ENTPD5: variants seen among roughly 807,000 people sequenced by gnomAD.
ENTPD5 encodes the protein nucleoside diphosphate phosphatase ENTPD5.
In ENTPD5, 49 loss-of-function variants were observed where a neutral mutation model predicts 60.2. The ratio of observed to expected loss-of-function variants is 0.81; its 90% confidence interval spans 0.65 to 1.03. The LOEUF is 1.03. ENTPD5 is among the 50% of genes least tolerant of loss of function. The pLI is 0.00. For missense variants in ENTPD5, 480 were observed against 507.6 expected (o/e 0.95, Z 0.52); for synonymous variants, 187 against 185.4 (o/e 1.01, Z -0.07).
intron 1 of ENTPD5, among the ~76,000 whole-genome samples, chr14:74,017,437 G>C (rs1327598111): frequency 6.6e-6 from 1 of 151,900 alleles, no homozygotes; most frequent in Non-Finnish European, 1.5e-5. Context: ...AAATTAGCCA[G>C]GGATGGTGGT....
intron 3 of ENTPD5, among the ~76,000 whole-genome samples, chr14:74,009,535 T>C (rs373985049): frequency 2.0e-5 from 3 of 152,218 alleles, no homozygotes; most frequent in African/African-American, 7.2e-5. Flanking sequence ...GGGTTCCCCA[T>C]AATTACATTT....
chr14:73,972,024 T>A (rs1353036817), intron 13 of ENTPD5, 116 bp from the exon 14 acceptor site: 2 of 720,058 alleles, frequency 2.8e-6, no homozygotes, highest in Admixed American at 4.3e-5. Flanking sequence ...CAACCTAATT[T>A]ACTTATTTAC....
At position 73,965,739 on chromosome 14, in the gene ENTPD5, A is replaced by T. The variant is rs1164393898; in HGVS notation, c.*1189T>A. The T allele has an allele frequency of 6.6e-6, 1 of 152,180 alleles. No homozygotes were observed. The highest frequency in any genetic ancestry group is 1.9e-4 in the East Asian group (1 of 5,202). The allele number at this position is 152,180 out of a possible 1,614,324, so 9.4% of individuals were successfully genotyped here. A position where few individuals can be genotyped will look rare whatever the true frequency, so the allele number is the denominator to read the frequency against. ...CCATCTCAAAAAAAAGTGCAAGATA[A>T]TGAATTTGGGGTAAATAATTCACAG... On this transcript the variant is annotated 3_prime_UTR_variant, in exon 16 of 16. Transcript: ENST00000334696.
At chr14:73,979,741 G>A (rs2057598145) in intron 6 of ENTPD5, among the ~76,000 whole-genome samples, 1 of 152,116 alleles carries the variant, frequency 6.6e-6, no homozygotes, top group Non-Finnish European at 1.5e-5. Context: ...AAAGTGCTGG[G>A]ATTACAGGCG....
intron 3 of ENTPD5, among the ~76,000 whole-genome samples, chr14:74,003,716 C>T (rs1460507067): frequency 1.3e-5 from 2 of 151,904 alleles, no homozygotes; most frequent in African/African-American, 4.8e-5. Flanking sequence ...TCTGTGTTTA[C>T]TTGTGGCCGA....
At position 73,977,090 on chromosome 14, in the gene ENTPD5, C is replaced by T. The variant is rs752831201; in HGVS notation, c.518-31G>A. 2.5e-5 allele frequency: 40 copies of T among 1,599,554 alleles called. No individual in the cohort carries two copies. The South Asian group carries it at 4.5e-4, about 18-fold the overall frequency. ...AAGAAAGAAAGACAAGGATTAGATC[C>T]CAGAGCATTTTTTCTCTTTCCTGGC... On this transcript the variant is annotated intron_variant, in intron 7 of 15. Transcript: ENST00000334696.
downstream of ENTPD5, chr14:73,962,765 T>C: frequency 1.7e-6 from 1 of 592,996 alleles, no homozygotes; most frequent in South Asian, 2.1e-5. Flanking sequence ...TGCAGTGAGC[T>C]ATGATCACAC....
At chr14:73,960,918 G>A (rs758255624), downstream of ENTPD5, 6 of 578,606 alleles carry the variant, frequency 1.0e-5, no homozygotes, top group Non-Finnish European at 1.6e-5. Context: ...GTTATTGAGG[G>A]TGGGGACTAG....
At chr14:74,002,319 T>C (rs1049996988) in intron 3 of ENTPD5, among the ~76,000 whole-genome samples, 2 of 151,824 alleles carry the variant, frequency 1.3e-5, no homozygotes, top group African/African-American at 4.8e-5. Flanking sequence ...GATATGGGAG[T>C]GGGGAGGCGA....
At chr14:73,958,750 G>A, downstream of ENTPD5, 2 of 1,446,282 alleles carry the variant, frequency 1.4e-6, no homozygotes, top group Non-Finnish European at 1.8e-6. Context: ...TTAACTCATG[G>A]CTGGCACCTG....
At chr14:73,990,464 A>C (rs545478530) in intron 3 of ENTPD5, among the ~76,000 whole-genome samples, 4 of 151,734 alleles carry the variant, frequency 2.6e-5, no homozygotes, top group African/African-American at 9.7e-5. Context: ...CCTCCCGAGT[A>C]GTTGGGATTA....
chr14:74,013,487 T>C (rs2058910277), intron 2 of ENTPD5, among the ~76,000 whole-genome samples: 1 of 151,512 alleles, frequency 6.6e-6, no homozygotes, highest in Admixed American at 6.6e-5. Flanking sequence ...TTATGAGATC[T>C]TTTTTTGTGA....
At chr14:74,005,509 C>G (rs117276586) in intron 3 of ENTPD5, among the ~76,000 whole-genome samples, 1 of 151,902 alleles carries the variant, frequency 6.6e-6, no homozygotes. Context: ...GCTATTAACT[C>G]TTAAAAATGA....
At chr14:74,017,678 G>C (rs1340780640) in intron 1 of ENTPD5, among the ~76,000 whole-genome samples, 1 of 151,790 alleles carries the variant, frequency 6.6e-6, no homozygotes, top group Non-Finnish European at 1.5e-5. Context: ...CTGAGGCCAG[G>C]AGTTCAAGAC....
chr14:73,973,718 T>C (rs748103709), intron 12 of ENTPD5, among the ~76,000 whole-genome samples, 159 bp downstream of exon 12: 2 of 152,246 alleles, frequency 1.3e-5, no homozygotes, highest in Non-Finnish European at 2.9e-5. Context: ...CTTTGTTCAC[T>C]GTCACTTCAC....
At chr14:74,012,907 G>C (rs1235069064) in intron 2 of ENTPD5, among the ~76,000 whole-genome samples, 1 of 152,128 alleles carries the variant, frequency 6.6e-6, no homozygotes, top group Non-Finnish European at 1.5e-5. Context: ...TCACAAGCTG[G>C]GGCCTCTAGT....
chr14:74,005,364 C>CAAAAAAA lies in ENTPD5; in HGVS notation c.-71+5720_-71+5726dup, dbSNP rs35560902. ...TGGGTGAGAGAGCAAGACTCGGTCTCAAAAAAAAAGAAAAGAAATATAGGC... is the reference window on the plus strand; with the variant it reads ...TGGGTGAGAGAGCAAGACTCGGTCTCAAAAAAAAAAAAAAAAGAAAAGAAATATAGGC... On this transcript the variant is annotated intron_variant, in intron 3 of 15. Transcript: ENST00000334696. 8.5e-5 allele frequency among the ~76,000 whole-genome samples: 10 copies of CAAAAAAA among 117,098 alleles called. 1 individual carries two copies. The highest frequency in any genetic ancestry group is 3.4e-4 in the East Asian group (1 of 2,962). 76.8% of individuals were successfully genotyped at this position (117,098 alleles called of 152,430 possible). A position where few individuals can be genotyped will look rare whatever the true frequency, so the allele number is the denominator to read the frequency against.
At chr14:73,993,838 T>C (rs2140710129) in intron 3 of ENTPD5, among the ~76,000 whole-genome samples, 1 of 151,792 alleles carries the variant, frequency 6.6e-6, no homozygotes, top group Middle Eastern at 3.4e-3. Flanking sequence ...CAGCTTCTAT[T>C]TCTATTAAGT....
At chr14:74,005,072 A>G (rs1330704156) in intron 3 of ENTPD5, among the ~76,000 whole-genome samples, 3 of 151,844 alleles carry the variant, frequency 2.0e-5, no homozygotes, top group Non-Finnish European at 4.4e-5. Context: ...GTTTTTGTTC[A>G]TTTGTTTATT....
Sources: allele counts gnomAD v4.1 joint callset (sites outside exome capture counted in the v4.1 genomes callset), GRCh38; gene constraint gnomAD v4.1.1; transcripts MANE v1.5; gene names NCBI Gene and HGNC (gene_info 2026-07-23, HGNC 2026-07-21).